RPS20: variants seen among roughly 807,000 people sequenced by gnomAD.
RPS20 encodes ribosomal protein S20, also known as small ribosomal subunit protein uS10.
In RPS20, 3 loss-of-function variants were observed where a neutral mutation model predicts 15.3. The observed-to-expected ratio is 0.20, with a 90% CI of 0.09 to 0.51. The LOEUF (loss-of-function observed/expected upper bound fraction) is 0.51, where lower values mean the gene tolerates loss of function less well. RPS20 is among the 20% of genes least tolerant of loss of function. The pLI is 0.96. For missense variants in RPS20, 67 were observed against 145.9 expected, an observed-to-expected ratio of 0.46 and a Z score of 2.79; for synonymous variants, 62 against 47.8, an observed-to-expected ratio of 1.30 and a Z score of -1.23.
At chr8:56,073,343 T>C in intron 3 of RPS20, 71 bp from the exon 4 acceptor site, 1 of 959,178 alleles carries the variant, frequency 1.0e-6, no homozygotes, top group South Asian at 1.4e-5. Context: ...TGGAAAATCA[T>C]TACTTCTAAT....
chr8:56,067,759 A>C (rs898340148), exon 6 of RPS20: 1 of 152,182 alleles, frequency 6.6e-6, no homozygotes, highest in Non-Finnish European at 1.5e-5. Flanking sequence ...AGCTAAATAA[A>C]ATGTCAGTCA....
downstream of RPS20, among the ~76,000 whole-genome samples, chr8:56,070,683 C>T (rs192304552): frequency 1.3e-4 from 19 of 151,014 alleles, no homozygotes; most frequent in East Asian, 2.5e-3. Context: ...GAGCCATGTT[C>T]GCACGACTGC....
At chr8:56,068,577 G>GT (rs1809669318), downstream of RPS20, 2 of 148,898 alleles carry the variant, frequency 1.3e-5, no homozygotes, top group African/African-American at 4.9e-5. Context: ...TGAAAAAAAG[G>GT]TAAGACACAC....
chr8:56,071,299 C>T (rs1809748749), downstream of RPS20, among the ~76,000 whole-genome samples: 1 of 152,172 alleles, frequency 6.6e-6, no homozygotes, highest in Non-Finnish European at 1.5e-5. Context: ...GACATGTGTG[C>T]TCTAAAGACT....
downstream of RPS20, among the ~76,000 whole-genome samples, chr8:56,069,357 T>C (rs1260989673): frequency 6.6e-6 from 1 of 151,814 alleles, no homozygotes; most frequent in African/African-American, 2.4e-5. Context: ...TCCACTATAC[T>C]CGACAATCTC....
Position 56,074,406 on chromosome 8 carries a change from GAC to G in RPS20, c.-25_-24del. The G allele has an allele frequency of 6.4e-7, 1 of 1,556,710 alleles. No homozygotes were observed. The highest frequency in any genetic ancestry group is 8.6e-7 in the Non-Finnish European group (1 of 1,157,096). On this transcript the variant is annotated 5_prime_UTR_variant, in exon 1 of 4. Transcript: ENST00000009589. ...CATGGCTGTTGCGCGCGGGCTTCCT[GAC>G]CGACTTGTTCCTCGGCGAGAGCGAA...
downstream of RPS20, chr8:56,068,336 G>C (rs902417154): frequency 6.6e-6 from 1 of 152,036 alleles, no homozygotes; most frequent in South Asian, 2.1e-4. Flanking sequence ...TCAGGAGTTC[G>C]AGACTAGCCT....
downstream of RPS20, chr8:56,069,611 A>T (rs1439102094): frequency 6.6e-5 from 61 of 922,736 alleles, no homozygotes; most frequent in East Asian, 1.6e-3. Context: ...AGTTCCTCTT[A>T]CTTTCAAAAG....
At chr8:56,068,827 T>TTTTC (rs1402796204), downstream of RPS20, among the ~76,000 whole-genome samples, 2 of 119,556 alleles carry the variant, frequency 1.7e-5, no homozygotes, top group East Asian at 4.9e-4. Context: ...TTTTTTTTTT[T>TTTTC]TTTTTTTTTT....
chr8:56,069,685 C>G (rs918022771), downstream of RPS20: 2 of 1,470,606 alleles, frequency 1.4e-6, no homozygotes, highest in African/African-American at 2.8e-5. Context: ...TCAGCTTTGG[C>G]TGTTTCTCCA....
chr8:56,072,888 A>G (rs934981132), downstream of RPS20: 6 of 1,316,186 alleles, frequency 4.6e-6, no homozygotes, highest in Admixed American at 3.2e-5. Flanking sequence ...CAGGTCTCAC[A>G]TATTATGTAG....
At chr8:56,072,279 T>C (rs1475167653), downstream of RPS20, among the ~76,000 whole-genome samples, 1 of 151,844 alleles carries the variant, frequency 6.6e-6, no homozygotes, top group Non-Finnish European at 1.5e-5. Context: ...GGGCCAGGCA[T>C]GGTGGCTCAT....
At chr8:56,069,331 G>A (rs1809691043), downstream of RPS20, among the ~76,000 whole-genome samples, 1 of 151,858 alleles carries the variant, frequency 6.6e-6, no homozygotes, top group African/African-American at 2.4e-5. Flanking sequence ...GGCAATCTCG[G>A]CTCCACAGCA....
chr8:56,072,980 G>GAAAAGTGGAA (rs1382784939), downstream of RPS20: 10 of 1,466,626 alleles, frequency 6.8e-6, no homozygotes, highest in African/African-American at 1.1e-4. Flanking sequence ...TATTCCACCT[G>GAAAAGTGGAA]AAAAGTGGAA....
chr8:56,073,903 C>T (rs1240874869), intron 2 of RPS20, 135 bp from the exon 3 acceptor site: 2 of 1,085,508 alleles, frequency 1.8e-6, no homozygotes, highest in Non-Finnish European at 2.9e-6. Context: ...TCATCGCCAG[C>T]TGTATGACAG....
intron 2 of RPS20, 43 bp from the exon 3 acceptor site, chr8:56,073,811 A>C (rs767671221): frequency 1.3e-6 from 2 of 1,579,874 alleles, no homozygotes; most frequent in Non-Finnish European, 1.7e-6. Flanking sequence ...GAAACAATTA[A>C]AATCGGCTTA....
At chr8:56,073,632 G>A in intron 3 of RPS20, 63 bp downstream of exon 3, 1 of 1,403,510 alleles carries the variant, frequency 7.1e-7, no homozygotes. Context: ...ACTCCTTAAA[G>A]AACCTGAATT....
At chr8:56,073,430 G>T in intron 3 of RPS20, 158 bp from the exon 4 acceptor site, 1 of 661,186 alleles carries the variant, frequency 1.5e-6, no homozygotes, top group Non-Finnish European at 2.6e-6. Flanking sequence ...GAAAATGCCA[G>T]GTCTGTTTTC....
downstream of RPS20, chr8:56,069,749 A>T: frequency 6.4e-7 from 1 of 1,551,646 alleles, no homozygotes; most frequent in Non-Finnish European, 8.7e-7. Flanking sequence ...TAAAAAGGAC[A>T]TGTCCCCGGG....
Sources: allele counts gnomAD v4.1 joint callset (sites outside exome capture counted in the v4.1 genomes callset), GRCh38; gene constraint gnomAD v4.1.1; transcripts MANE v1.5; gene names NCBI Gene and HGNC (gene_info 2026-07-23, HGNC 2026-07-21).